Variants in ELMO1 observed in about 807,000 individuals in gnomAD.
The protein encoded by ELMO1 is engulfment and cell motility protein 1.
Under a neutral mutation model 98.9 loss-of-function variants are expected in ELMO1, and 26 were observed. The ratio of observed to expected loss-of-function variants is 0.26; its 90% CI spans 0.19 to 0.36. ELMO1 has a LOEUF of 0.36. Ranked by LOEUF, ELMO1 falls within the 10% of genes least tolerant of loss-of-function variation. The pLI is 1.00. For synonymous variants in ELMO1, 346 were observed against 346.0 expected (o/e 1.00, Z 0.00); for missense variants, 627 against 935.2 (o/e 0.67, Z 4.30).
chr7:37,072,378 T>C (rs934114780), intron 15 of ELMO1, among the ~76,000 whole-genome samples: 3 of 152,208 alleles, frequency 2.0e-5, no homozygotes, highest in African/African-American at 7.2e-5. Flanking sequence ...GGGAGTTCCC[T>C]GCACAAGCTC....
At chr7:36,956,846 T>G (rs1788495119) in intron 16 of ELMO1, among the ~76,000 whole-genome samples, 1 of 152,156 alleles carries the variant, frequency 6.6e-6, no homozygotes, top group Non-Finnish European at 1.5e-5. Flanking sequence ...CCGGAAAAAA[T>G]GGCAAGAAAT....
chr7:37,384,709 G>T (rs1376716070), intron 1 of ELMO1, among the ~76,000 whole-genome samples: 1 of 147,788 alleles, frequency 6.8e-6, no homozygotes, highest in Non-Finnish European at 1.5e-5. Context: ...GAAAGAGCAA[G>T]ACTCCGTCTC....
intron 16 of ELMO1, among the ~76,000 whole-genome samples, chr7:36,945,805 A>AGTAT (rs1787430776): frequency 6.6e-6 from 1 of 152,214 alleles, no homozygotes; most frequent in Non-Finnish European, 1.5e-5. Context: ...GTCTAGAGTG[A>AGTAT]CTGTATCTCA....
chr7:37,330,051 C>T (rs982559811), intron 2 of ELMO1, among the ~76,000 whole-genome samples: 7 of 152,222 alleles, frequency 4.6e-5, no homozygotes, highest in Non-Finnish European at 7.3e-5. Context: ...CCCTTGGACA[C>T]GGTATTAAAG....
chr7:37,421,224 A>G (rs1804457552), intron 1 of ELMO1, among the ~76,000 whole-genome samples: 1 of 152,224 alleles, frequency 6.6e-6, no homozygotes, highest in Admixed American at 6.5e-5. Context: ...CCAACACAAC[A>G]GCCCATTTCA....
At chr7:37,368,657 T>G (rs1276345703) in intron 1 of ELMO1, among the ~76,000 whole-genome samples, 2 of 152,202 alleles carry the variant, frequency 1.3e-5, no homozygotes, top group South Asian at 2.1e-4. Context: ...GACAGGCTTT[T>G]CATCTATTCT....
intron 1 of ELMO1, among the ~76,000 whole-genome samples, chr7:37,387,586 C>T (rs1802862003): frequency 6.6e-6 from 1 of 152,064 alleles, no homozygotes; most frequent in Non-Finnish European, 1.5e-5. Context: ...GGTTAGTACT[C>T]GAATATACCA....
Position 37,167,396 on chromosome 7 carries a change from T to G in ELMO1, c.1087-34162A>C, listed in dbSNP as rs1336251462. 8.5e-5 allele frequency among the ~76,000 whole-genome samples: 13 copies of G among 152,176 alleles called. 1 individual carries two copies. The highest frequency in any genetic ancestry group is 8.3e-4 in the South Asian group (4 of 4,806). On this transcript the variant is annotated intron_variant, in intron 13 of 21. Coordinates refer to ENST00000310758, the MANE Select transcript of ELMO1 (RefSeq NM_014800.11). ...TCCTGTCATTATGATGTTAGCTGGTTATTTTGCTCGTTAGTTGATGCAGTT... is the reference window on the plus strand; with the variant it reads ...TCCTGTCATTATGATGTTAGCTGGTGATTTTGCTCGTTAGTTGATGCAGTT...
At chr7:36,949,419 T>C (rs1348157962) in intron 16 of ELMO1, among the ~76,000 whole-genome samples, 1 of 152,006 alleles carries the variant, frequency 6.6e-6, no homozygotes, top group Non-Finnish European at 1.5e-5. Context: ...TCTGGTTCCT[T>C]TGATGACAGA....
chr7:36,975,579 G>A (rs962925944), intron 16 of ELMO1, among the ~76,000 whole-genome samples: 1 of 152,238 alleles, frequency 6.6e-6, no homozygotes, highest in East Asian at 1.9e-4. Flanking sequence ...GGGAGCCATG[G>A]CTCATGTCTA....
At chr7:37,253,348 C>A (rs189513069) in intron 6 of ELMO1, among the ~76,000 whole-genome samples, 1 of 152,078 alleles carries the variant, frequency 6.6e-6, no homozygotes, top group Non-Finnish European at 1.5e-5. Flanking sequence ...CAATGATAGA[C>A]TGGATAAAGA....
chr7:36,856,864 A>G (rs950428583), intron 21 of ELMO1, among the ~76,000 whole-genome samples: 2 of 152,120 alleles, frequency 1.3e-5, no homozygotes, highest in African/African-American at 4.8e-5. Context: ...TCTACCATGC[A>G]CTCCAGATTC....
At chr7:37,145,947 T>A (rs1441109531) in intron 13 of ELMO1, among the ~76,000 whole-genome samples, 1 of 152,178 alleles carries the variant, frequency 6.6e-6, no homozygotes, top group Non-Finnish European at 1.5e-5. Context: ...CTCCCTCTCC[T>A]CACCTCTTCA....
Position 37,437,866 on chromosome 7 carries a change from G to C in ELMO1, c.-74+10809C>G, listed in dbSNP as rs559256220. Among the ~76,000 whole-genome samples, 2 of 57,756 alleles carry C rather than the reference G, an allele frequency of 3.5e-5. 1 individual carries two copies. The highest frequency in any genetic ancestry group is 1.2e-3 in the South Asian group (2 of 1,668). The allele number at this position is 57,756 out of a possible 152,430, so 37.9% of individuals were successfully genotyped here. Reference sequence around the variant, plus strand: ...CGGGCGCCTGTAGTCCCAGCTACTCGGGAGGCTGAGGCAGGAGAATGGCGT... The same window carrying C: ...CGGGCGCCTGTAGTCCCAGCTACTCCGGAGGCTGAGGCAGGAGAATGGCGT... On this transcript the variant is annotated intron_variant, in intron 1 of 21. Coordinates refer to ENST00000310758, the MANE Select transcript of ELMO1 (RefSeq NM_014800.11).
chr7:37,343,745 G>A (rs930545030), intron 1 of ELMO1, among the ~76,000 whole-genome samples: 7 of 152,068 alleles, frequency 4.6e-5, no homozygotes, highest in African/African-American at 9.7e-5. Flanking sequence ...AAAGTGCTGC[G>A]ATTACAGGCG....
At chr7:37,416,417 G>A (rs10228152) in intron 1 of ELMO1, among the ~76,000 whole-genome samples, 25,518 of 152,202 alleles carry the variant, frequency 0.17, 2,322 homozygotes, top group South Asian at 0.26. Flanking sequence ...GAGAATGAGA[G>A]GTTTCACACC....
At chr7:37,176,081 G>A (rs950581952) in intron 13 of ELMO1, among the ~76,000 whole-genome samples, 1 of 152,164 alleles carries the variant, frequency 6.6e-6, no homozygotes, top group Non-Finnish European at 1.5e-5. Flanking sequence ...AACAGTCTTT[G>A]GATATAGCTG....
At chr7:37,442,489 T>C (rs10226535) in intron 1 of ELMO1, among the ~76,000 whole-genome samples, 6,019 of 152,286 alleles carry the variant, frequency 0.04, 192 homozygotes, top group African/African-American at 0.09. Context: ...CCATGACTCA[T>C]CCACAGAGGA....
chr7:37,357,960 G>A (rs1801554682), intron 1 of ELMO1, among the ~76,000 whole-genome samples: 1 of 152,112 alleles, frequency 6.6e-6, no homozygotes, highest in Admixed American at 6.6e-5. Context: ...GTGCATATTT[G>A]GGGGGAAAGT....
Sources: gnomAD v4.1 joint callset for allele counts (sites outside exome capture counted in the v4.1 genomes callset) on GRCh38, gnomAD v4.1.1 for gene constraint, MANE v1.5 for transcripts, NCBI Gene and HGNC (gene_info 2026-07-23, HGNC 2026-07-21) for gene names.